Variants in SYT17 observed in about 807,000 individuals in gnomAD.
SYT17 encodes synaptotagmin-17.
Under a neutral mutation model 46.7 loss-of-function variants are expected in SYT17, and 22 were observed. That is an observed-to-expected ratio of 0.47 (90% confidence interval 0.34 to 0.67). The LOEUF is 0.67. SYT17 is among the 30% of genes least tolerant of loss of function. SYT17 has a pLI of 0.01. For missense variants in SYT17, 519 were observed against 612.8 expected, an observed-to-expected ratio of 0.85 and a Z score of 1.62; for synonymous variants, 251 against 248.4, an observed-to-expected ratio of 1.01 and a Z score of -0.10.
rs1222294643 is a variant in SYT17 at position 19,183,961 on chromosome 16, G to A, written c.765G>A (p.Val255=). The A allele has an allele frequency of 3.8e-5, 61 of 1,614,086 alleles. No individual in the cohort carries two copies. Among genetic ancestry groups the A allele is most frequent in the Non-Finnish European group, 5.0e-5 (59 of 1,180,056 alleles). The change falls in exon 5 of 8, where the codon GTG becomes GTA. Residue 255 remains valine (V), a synonymous_variant. Transcript: ENST00000355377. This position sits in a 1 kb window ranked among gnomAD's most constrained non-coding sequence, Gnocchi z 5.6. ...TCAAACGCAAGACCCAGAAGCCCGTGTTTGAGGAGCGCTACACCTTCGAGA... is the reference window on the plus strand; with the variant it reads ...TCAAACGCAAGACCCAGAAGCCCGTATTTGAGGAGCGCTACACCTTCGAGA... ...TGVKRKTQKP[V]FEERYTFEIP...
intron 7 of SYT17, among the ~76,000 whole-genome samples, chr16:19,231,763 T>TA (rs1248425466): frequency 2.0e-5 from 3 of 152,108 alleles, no homozygotes; most frequent in Non-Finnish European, 4.4e-5. Context: ...GAGCACCTAC[T>TA]ATGTACCTGG....
At chr16:19,186,133 G>A (rs998072444) in intron 5 of SYT17, among the ~76,000 whole-genome samples, 2 of 152,156 alleles carry the variant, frequency 1.3e-5, no homozygotes, top group African/African-American at 2.4e-5. Flanking sequence ...GCTGCAGGCC[G>A]TGCCTTAGTT....
Position 19,219,356 on chromosome 16 carries a change from T to C in SYT17, c.952-3689T>C. On this transcript the variant is annotated intron_variant, in intron 5 of 7. Transcript: ENST00000355377. ...AGCGGAGCTTGCAGTGAGCCGAGAT[T>C]GCGCCACTGCAGTCCGCAGTCCGGC... Among the ~76,000 whole-genome samples, 2 of 19,958 alleles carry C rather than the reference T, an allele frequency of 1.0e-4. 1 individual carries two copies. Among genetic ancestry groups the C allele is most frequent in the East Asian group, 4.9e-3 (2 of 410 alleles). 13.1% of individuals were successfully genotyped at this position (19,958 alleles called of 152,430 possible).
chr16:19,234,293 T>G (rs1047804648), intron 7 of SYT17, among the ~76,000 whole-genome samples: 2 of 152,010 alleles, frequency 1.3e-5, no homozygotes, highest in African/African-American at 4.8e-5. Context: ...ACCACTGCAC[T>G]CCAGCCTGGG....
intron 5 of SYT17, among the ~76,000 whole-genome samples, chr16:19,215,676 C>A (rs376384901): frequency 1.4e-3 from 215 of 152,310 alleles, no homozygotes; most frequent in Admixed American, 4.1e-3. Context: ...CTTGGCCTCC[C>A]AAAGTACTGG....
At chr16:19,206,430 G>A (rs1335527400) in intron 5 of SYT17, among the ~76,000 whole-genome samples, 3 of 152,172 alleles carry the variant, frequency 2.0e-5, no homozygotes, top group Non-Finnish European at 2.9e-5. Flanking sequence ...GTGTATGTGG[G>A]AGAGCTGGGA....
At chr16:19,266,449 A>G (rs910776250) in intron 7 of SYT17, among the ~76,000 whole-genome samples, 8 of 152,252 alleles carry the variant, frequency 5.3e-5, no homozygotes, top group Admixed American at 2.6e-4. Flanking sequence ...TCCATGATTG[A>G]GAAACCCTGG....
At chr16:19,220,591 A>T (rs143857143) in intron 5 of SYT17, among the ~76,000 whole-genome samples, 1 of 152,142 alleles carries the variant, frequency 6.6e-6, no homozygotes, top group African/African-American at 2.4e-5. Context: ...GAGCCACTGC[A>T]CCTGGTCCTC....
chr16:19,183,917 A>T lies in SYT17; in HGVS notation c.721A>T (p.Asn241Tyr). 6.2e-7 allele frequency: 1 copy of T among 1,614,200 alleles called. No homozygotes were observed. The highest frequency in any genetic ancestry group is 2.2e-5 in the East Asian group (1 of 44,884). The change falls in exon 5 of 8, where the codon AAC becomes TAC. Residue 241 changes from asparagine (N) to tyrosine (Y), a missense_variant. Coordinates refer to ENST00000355377, the MANE Select transcript of SYT17 (RefSeq NM_016524.4). The surrounding 1 kb of genome is among the most constrained non-coding windows in gnomAD (Gnocchi z 5.6). Reference protein sequence around the residue: ...VKICLLPDQKNSKQTGVKRKT... With the variant: ...VKICLLPDQKYSKQTGVKRKT... ...GATCTGTCTCCTGCCAGACCAGAAG[A>T]ACTCAAAGCAGACCGGGGTCAAACG...
intron 5 of SYT17, among the ~76,000 whole-genome samples, chr16:19,193,668 T>C (rs1965116510): frequency 6.6e-6 from 1 of 152,172 alleles, no homozygotes; most frequent in South Asian, 2.1e-4. Flanking sequence ...GAAGTGATGC[T>C]GAGAAACACC....
At chr16:19,227,020 C>T (rs910681075) in intron 7 of SYT17, among the ~76,000 whole-genome samples, 3 of 152,170 alleles carry the variant, frequency 2.0e-5, no homozygotes, top group African/African-American at 7.2e-5. Flanking sequence ...GGCTTTACCA[C>T]TCACCTACTT....
chr16:19,235,080 C>T (rs8053921), intron 7 of SYT17, among the ~76,000 whole-genome samples: 12,275 of 152,120 alleles, frequency 0.081, 1,055 homozygotes, highest in East Asian at 0.21. Flanking sequence ...AGGCACTCAG[C>T]GCCAGATCAG....
chr16:19,214,310 T>A (rs915863361), intron 5 of SYT17, among the ~76,000 whole-genome samples: 3 of 152,178 alleles, frequency 2.0e-5, no homozygotes, highest in African/African-American at 7.2e-5. Context: ...AAGCTCCTTA[T>A]CAGCTGGCTC....
At chr16:19,256,671 G>T (rs11645004) in intron 7 of SYT17, among the ~76,000 whole-genome samples, 78,845 of 151,514 alleles carry the variant, frequency 0.52, 21,841 homozygotes, top group South Asian at 0.64. Context: ...CTCAACCTCC[G>T]GGGCTCAAGC....
chr16:19,182,920 G>A (rs1964615280), intron 4 of SYT17, among the ~76,000 whole-genome samples: 1 of 152,312 alleles, frequency 6.6e-6, no homozygotes, highest in South Asian at 2.1e-4. Context: ...CTTTGAGGTA[G>A]GTGCCGTTAT....
At chr16:19,227,477 G>A (rs1966538600) in intron 7 of SYT17, among the ~76,000 whole-genome samples, 1 of 151,952 alleles carries the variant, frequency 6.6e-6, no homozygotes, top group Non-Finnish European at 1.5e-5. Flanking sequence ...CACCATGCCT[G>A]GATAATTTTT....
chr16:19,248,207 A>C (rs1967726592), intron 7 of SYT17, among the ~76,000 whole-genome samples: 1 of 152,252 alleles, frequency 6.6e-6, no homozygotes, highest in South Asian at 2.1e-4. Flanking sequence ...TTAAGTTTAA[A>C]AGATGGAAAA....
Position 19,268,026 on chromosome 16 carries a change from G to A in SYT17, c.*950G>A, listed in dbSNP as rs1969481034. ...AGTAACATTTTTTGACCGAATCATG[G>A]TGATTGTGACCCACGAAAGACATAC... On this transcript the variant is annotated 3_prime_UTR_variant, in exon 8 of 8. Coordinates refer to ENST00000355377, the MANE Select transcript of SYT17 (RefSeq NM_016524.4). 6.6e-6 allele frequency: 1 copy of A among 151,964 alleles called. No homozygotes were observed. Among genetic ancestry groups the A allele is most frequent in the Non-Finnish European group, 1.5e-5 (1 of 68,030 alleles). The allele number at this position is 151,964 out of a possible 1,614,324, so 9.4% of individuals were successfully genotyped here.
intron 5 of SYT17, among the ~76,000 whole-genome samples, chr16:19,196,651 C>T (rs1332437919): frequency 1.3e-5 from 2 of 152,108 alleles, no homozygotes; most frequent in Non-Finnish European, 2.9e-5. Flanking sequence ...TGCCTCCACA[C>T]GTATGTAATC....
Sources: allele counts gnomAD v4.1 joint callset (sites outside exome capture counted in the v4.1 genomes callset), GRCh38; gene constraint gnomAD v4.1.1; non-coding constraint Gnocchi (gnomAD v3.1); transcripts MANE v1.5; gene names NCBI Gene and HGNC (gene_info 2026-07-23, HGNC 2026-07-21).